ROBO1: variants seen among roughly 807,000 people sequenced by gnomAD.
ROBO1 encodes roundabout homolog 1.
Under a neutral mutation model 195.9 loss-of-function variants are expected in ROBO1, and 149 were observed. The observed-to-expected ratio is 0.76, with a 90% CI of 0.67 to 0.87. ROBO1 has a LOEUF of 0.87. Among genes scored for constraint, ROBO1 ranks in the 40% least tolerant of loss-of-function variants. ROBO1 has a pLI of 0.00. For missense variants in ROBO1, 1,933 were observed against 2,068.3 expected, an observed-to-expected ratio of 0.93 and a Z score of 1.27; for synonymous variants, 816 against 733.2, an observed-to-expected ratio of 1.11 and a Z score of -1.82.
intron 3 of ROBO1, among the ~76,000 whole-genome samples, chr3:78,991,973 A>G (rs2077248622): frequency 2.0e-5 from 3 of 152,226 alleles, no homozygotes; most frequent in Non-Finnish European, 2.9e-5. Context: ...AAATGAATAG[A>G]GAACTAGCAC....
At chr3:78,895,602 G>C (rs2037178954) in intron 4 of ROBO1, among the ~76,000 whole-genome samples, 1 of 152,114 alleles carries the variant, frequency 6.6e-6, no homozygotes, top group African/African-American at 2.4e-5. Flanking sequence ...CATAAACATA[G>C]TAGTTTCTTT....
At chr3:79,256,578 T>C (rs1418635319) in intron 2 of ROBO1, among the ~76,000 whole-genome samples, 1 of 152,046 alleles carries the variant, frequency 6.6e-6, no homozygotes, top group East Asian at 1.9e-4. Context: ...ACTAAGAAAA[T>C]AATATTAGGA....
chr3:78,857,455 G>A (rs543244195), intron 4 of ROBO1, among the ~76,000 whole-genome samples: 1 of 152,232 alleles, frequency 6.6e-6, no homozygotes, highest in East Asian at 1.9e-4. Context: ...ATTTTGAAGT[G>A]TCCCCTATTC....
At chr3:79,715,038 G>A (rs1402792866) in intron 1 of ROBO1, among the ~76,000 whole-genome samples, 1 of 152,032 alleles carries the variant, frequency 6.6e-6, no homozygotes, top group Admixed American at 6.6e-5. Context: ...CTAAAGATGT[G>A]TTGAATTACT....
chr3:78,854,594 C>T (rs1269003565), intron 4 of ROBO1, among the ~76,000 whole-genome samples: 1 of 151,716 alleles, frequency 6.6e-6, no homozygotes, highest in Non-Finnish European at 1.5e-5. Flanking sequence ...ATTCATGTCT[C>T]TATTCTATGA....
intron 1 of ROBO1, among the ~76,000 whole-genome samples, chr3:79,751,995 AT>A (rs1309829516): frequency 6.6e-6 from 1 of 152,170 alleles, no homozygotes; most frequent in Non-Finnish European, 1.5e-5. Flanking sequence ...GCACTACCAT[AT>A]GCATAGCAGC....
chr3:78,614,809 A>AAT lies in ROBO1; in HGVS notation c.4283-10_4283-9insAT. ...ATGAAAATGTCGACGGCCTAAGGAGAAAAAAAAAAAAAATCCAAGCCAAAC... is the reference window on the plus strand; with the variant it reads ...ATGAAAATGTCGACGGCCTAAGGAGAATAAAAAAAAAAAAATCCAAGCCAAAC... On this transcript the variant is annotated splice_polypyrimidine_tract_variant and intron_variant, in intron 27 of 30. Transcript: ENST00000464233. 4.2e-6 allele frequency: 2 copies of AAT among 474,134 alleles called. No individual in the cohort carries two copies. The highest frequency in any genetic ancestry group is 3.1e-6 in the Non-Finnish European group (1 of 323,180). The allele number at this position is 474,134 out of a possible 1,614,324, so 29.4% of individuals were successfully genotyped here.
chr3:78,771,798 A>G (rs2083382556), intron 4 of ROBO1, among the ~76,000 whole-genome samples: 1 of 152,140 alleles, frequency 6.6e-6, no homozygotes, highest in Non-Finnish European at 1.5e-5. Context: ...TAGAGTCTTT[A>G]GGGTTTTCTA....
chr3:78,657,013 G>T, intron 18 of ROBO1, 85 bp downstream of exon 18: 2 of 1,264,526 alleles, frequency 1.6e-6, no homozygotes, highest in Non-Finnish European at 1.1e-6. Flanking sequence ...TAGCAATGGT[G>T]GGTGGCTCAG....
At chr3:78,686,626 G>C (rs2081059155) in intron 9 of ROBO1, among the ~76,000 whole-genome samples, 1 of 151,152 alleles carries the variant, frequency 6.6e-6, no homozygotes, top group Non-Finnish European at 1.5e-5. Flanking sequence ...AAAGACAAAA[G>C]TCTTGCTTCA....
intron 2 of ROBO1, among the ~76,000 whole-genome samples, chr3:79,454,444 G>T (rs1431121467): frequency 6.6e-6 from 1 of 151,990 alleles, no homozygotes; most frequent in Admixed American, 6.6e-5. Context: ...GACGTAAACT[G>T]AAGAAAAACA....
intron 2 of ROBO1, among the ~76,000 whole-genome samples, chr3:79,464,325 T>C (rs551205525): frequency 6.6e-6 from 1 of 152,344 alleles, no homozygotes; most frequent in East Asian, 1.9e-4. Context: ...ACTCTATATT[T>C]AATCAAGGAA....
intron 4 of ROBO1, among the ~76,000 whole-genome samples, chr3:78,849,529 C>T (rs898923723): frequency 2.0e-5 from 3 of 151,952 alleles, no homozygotes; most frequent in African/African-American, 7.3e-5. Context: ...TTTTGATAGT[C>T]TGGAGTTATT....
chr3:78,623,412 T>A (rs1346000906), intron 26 of ROBO1, among the ~76,000 whole-genome samples: 2 of 152,068 alleles, frequency 1.3e-5, no homozygotes, highest in African/African-American at 2.4e-5. Flanking sequence ...TTCCAGGAAC[T>A]AGAAGAAACT....
intron 2 of ROBO1, among the ~76,000 whole-genome samples, chr3:79,280,799 C>T (rs1307610340): frequency 1.3e-5 from 2 of 152,174 alleles, no homozygotes; most frequent in Non-Finnish European, 2.9e-5. Flanking sequence ...AGCCTGCAAC[C>T]TACATTGCTC....
intron 22 of ROBO1, among the ~76,000 whole-genome samples, chr3:78,638,772 G>T (rs1705721560): frequency 2.0e-5 from 3 of 152,112 alleles, no homozygotes; most frequent in Admixed American, 2.0e-4. Flanking sequence ...TACTTGGGAG[G>T]CTGAGGTGAG....
chr3:78,697,662 A>C (rs1177256834), intron 8 of ROBO1, among the ~76,000 whole-genome samples: 1 of 152,204 alleles, frequency 6.6e-6, no homozygotes, highest in Non-Finnish European at 1.5e-5. Flanking sequence ...CCATTAGGCC[A>C]CAACAGTTTA....
At chr3:79,697,739 G>A (rs1206084693) in intron 1 of ROBO1, among the ~76,000 whole-genome samples, 1 of 151,362 alleles carries the variant, frequency 6.6e-6, no homozygotes, top group Non-Finnish European at 1.5e-5. Context: ...AGCAGAAAAT[G>A]TAATCAGAAA....
intron 23 of ROBO1, among the ~76,000 whole-genome samples, chr3:78,634,979 A>C (rs368777041): frequency 8.5e-5 from 13 of 152,158 alleles, no homozygotes; most frequent in African/African-American, 2.7e-4. Flanking sequence ...CTTTACCTGG[A>C]ATAGGTGGGG....
Sources: gnomAD v4.1 joint callset for allele counts (sites outside exome capture counted in the v4.1 genomes callset) on GRCh38, gnomAD v4.1.1 for gene constraint, MANE v1.5 for transcripts, NCBI Gene and HGNC (gene_info 2026-07-23, HGNC 2026-07-21) for gene names.